The following IQCJ variants were observed in gnomAD, a reference collection of about 807,000 sequenced individuals.
IQCJ encodes the protein IQ domain-containing protein J.
In IQCJ, 9 loss-of-function variants were observed where a neutral mutation model predicts 11.0. The ratio of observed to expected loss-of-function variants is 0.82; its 90% CI spans 0.49 to 1.43. IQCJ has a LOEUF of 1.43. Ranked by LOEUF, IQCJ falls within the 40% of genes most tolerant of loss-of-function variation. IQCJ has a pLI of 0.00. For synonymous variants in IQCJ, 55 were observed against 51.3 expected (o/e 1.07, Z -0.31); for missense variants, 146 against 133.2 (o/e 1.10, Z -0.47).
intron 1 of IQCJ, among the ~76,000 whole-genome samples, chr3:159,140,939 G>A (rs1284610927): frequency 6.6e-6 from 1 of 152,202 alleles, no homozygotes; most frequent in African/African-American, 2.4e-5. Context: ...AAGCAGTAAG[G>A]AAGCTGCTTT....
At chr3:159,260,507 G>T (rs2595239) in intron 3 of IQCJ, among the ~76,000 whole-genome samples, 76 of 151,948 alleles carry the variant, frequency 5.0e-4, no homozygotes, top group African/African-American at 1.8e-3. Context: ...AGCAGAATTT[G>T]TTAGCTGGGC....
rs1301596172 is a variant in IQCJ, at chr3:159,116,667, TATAC to T, written c.9+47228_9+47231del. 4.0e-3 allele frequency among the ~76,000 whole-genome samples: 71 copies of T among 17,742 alleles called. 6 individuals carry two copies. The highest frequency in any genetic ancestry group is 6.6e-3 in the African/African-American group (32 of 4,856). The allele number at this position is 17,742 out of a possible 152,430, so 11.6% of individuals were successfully genotyped here. On this transcript the variant is annotated intron_variant, in intron 1 of 3. Transcript: ENST00000397832. ...ATATATATATATATATATATATATA[TATAC>T]ACCCTTCATCTAGATTTTCTCATCT...
At position 159,114,432 on chromosome 3, in the gene IQCJ, C is replaced by G. The variant is rs147654850; in HGVS notation, c.9+44991C>G. Among the ~76,000 whole-genome samples the G allele has an allele frequency of 7.4e-3, 1,118 of 151,896 alleles. 8 individuals carry two copies. The highest frequency in any genetic ancestry group is 0.026 in the African/African-American group (1,080 of 41,430). On this transcript the variant is annotated intron_variant, in intron 1 of 3. Transcript: ENST00000397832. ...TTCAAGCGATCCTCCTGCCTCAGCC[C>G]CCCTCATAGCTGGGACTACAGGCAT... is the stretch of plus-strand genomic sequence containing the variant.
At position 159,091,660 on chromosome 3, in the gene IQCJ, ACACACACACG is replaced by A. The variant is rs1423180020; in HGVS notation, c.9+22222_9+22231del. 6.9e-4 allele frequency among the ~76,000 whole-genome samples: 39 copies of A among 56,380 alleles called. 3 individuals are homozygous for A. The highest frequency in any genetic ancestry group is 2.1e-3 in the African/African-American group (37 of 18,046). The allele number at this position is 56,380 out of a possible 152,430, so 37.0% of individuals were successfully genotyped here. A position where few individuals can be genotyped will look rare whatever the true frequency, so the allele number is the denominator to read the frequency against. On this transcript the variant is annotated intron_variant, in intron 1 of 3. Coordinates refer to ENST00000397832, the MANE Select transcript of IQCJ (RefSeq NM_001042706.3). ...TAAAGGGGTATTTACACACACACAC[ACACACACACG>A]CATGCACACACACACACACACACAC... is the stretch of plus-strand genomic sequence containing the variant.
intron 1 of IQCJ, among the ~76,000 whole-genome samples, chr3:159,161,649 T>G (rs1721864121): frequency 6.6e-6 from 1 of 152,174 alleles, no homozygotes. Flanking sequence ...TCTTCTAGGG[T>G]TTTTATGGTT....
chr3:159,144,407 A>G (rs942293783), intron 1 of IQCJ, among the ~76,000 whole-genome samples: 12 of 152,224 alleles, frequency 7.9e-5, no homozygotes, highest in Non-Finnish European at 1.5e-4. Flanking sequence ...TTTAGGGATC[A>G]TGAGTATCTC....
intron 1 of IQCJ, among the ~76,000 whole-genome samples, chr3:159,221,392 G>A (rs1725535555): frequency 1.3e-5 from 2 of 152,146 alleles, no homozygotes; most frequent in Admixed American, 1.3e-4. Context: ...ACCTTAAAGG[G>A]TTAAGTAAGG....
At chr3:159,136,257 T>C (rs1720283896) in intron 1 of IQCJ, among the ~76,000 whole-genome samples, 1 of 152,182 alleles carries the variant, frequency 6.6e-6, no homozygotes, top group Non-Finnish European at 1.5e-5. Flanking sequence ...TTTTATAGAT[T>C]ATGTAGTACA....
chr3:159,170,526 T>C (rs1467982584), intron 1 of IQCJ, among the ~76,000 whole-genome samples: 1 of 152,236 alleles, frequency 6.6e-6, no homozygotes, highest in Admixed American at 6.5e-5. Context: ...AGGCCCTTAA[T>C]GAACATTTTT....
intron 1 of IQCJ, among the ~76,000 whole-genome samples, chr3:159,189,479 T>C (rs1723559561): frequency 6.6e-6 from 1 of 152,182 alleles, no homozygotes; most frequent in Non-Finnish European, 1.5e-5. Flanking sequence ...GGCTCTTTCA[T>C]CATTTTACTC....
intron 1 of IQCJ, among the ~76,000 whole-genome samples, chr3:159,204,441 A>C (rs1474055932): frequency 2.0e-5 from 3 of 152,220 alleles, no homozygotes; most frequent in Admixed American, 2.0e-4. Flanking sequence ...GATGGCTAGA[A>C]CAGTTGAAGT....
intron 1 of IQCJ, among the ~76,000 whole-genome samples, chr3:159,115,940 G>A (rs1718966424): frequency 6.6e-6 from 1 of 152,114 alleles, no homozygotes; most frequent in Non-Finnish European, 1.5e-5. Flanking sequence ...GGCTAGGGGA[G>A]GGATAGCATT....
intron 1 of IQCJ, among the ~76,000 whole-genome samples, chr3:159,082,932 C>T (rs932511913): frequency 2.0e-5 from 3 of 152,066 alleles, no homozygotes; most frequent in Non-Finnish European, 4.4e-5. Flanking sequence ...AGAACACGAA[C>T]CTCGACCACA....
At chr3:159,184,841 G>T (rs1051214176) in intron 1 of IQCJ, among the ~76,000 whole-genome samples, 1 of 152,116 alleles carries the variant, frequency 6.6e-6, no homozygotes, top group Admixed American at 6.5e-5. Flanking sequence ...TGTAGTACAG[G>T]TTTACTAAAT....
intron 1 of IQCJ, chr3:159,069,645 T>C (rs1715407633): frequency 3.8e-5 from 25 of 662,236 alleles, no homozygotes; most frequent in South Asian, 3.2e-4. Flanking sequence ...AAATATGTAT[T>C]ATTTATGTAT....
chr3:159,210,237 A>C (rs902464205), intron 1 of IQCJ, among the ~76,000 whole-genome samples: 4 of 152,216 alleles, frequency 2.6e-5, no homozygotes, highest in Non-Finnish European at 4.4e-5. Context: ...TTTATTTTTT[A>C]TCACCAAGGG....
chr3:159,117,689 A>G (rs73027631), intron 1 of IQCJ, among the ~76,000 whole-genome samples: 311 of 152,304 alleles, frequency 2.0e-3, no homozygotes, highest in African/African-American at 7.1e-3. Flanking sequence ...CATTCACTCA[A>G]CAAATAGTTG....
At chr3:159,199,311 G>T (rs1724176201) in intron 1 of IQCJ, among the ~76,000 whole-genome samples, 3 of 152,194 alleles carry the variant, frequency 2.0e-5, no homozygotes, top group African/African-American at 7.2e-5. Flanking sequence ...CATAATTAAA[G>T]AAAAAGTTGA....
At chr3:159,116,536 G>A (rs912250854) in intron 1 of IQCJ, among the ~76,000 whole-genome samples, 1 of 148,042 alleles carries the variant, frequency 6.8e-6, no homozygotes, top group Non-Finnish European at 1.5e-5. Flanking sequence ...TCCACCTCAG[G>A]CCACCTGTAG....
Sources: allele counts gnomAD v4.1 joint callset (sites outside exome capture counted in the v4.1 genomes callset), GRCh38; gene constraint gnomAD v4.1.1; transcripts MANE v1.5; gene names NCBI Gene and HGNC (gene_info 2026-07-23, HGNC 2026-07-21).